Variants in ZSCAN21 observed in about 807,000 individuals in gnomAD.
ZSCAN21 encodes zinc finger and SCAN domain-containing protein 21.
ZSCAN21 carries 26 observed loss-of-function variants against 35.6 expected under a neutral mutation model. That is an observed-to-expected ratio of 0.73 (90% CI 0.54 to 1.01). ZSCAN21 has a LOEUF of 1.01. Among genes scored for constraint, ZSCAN21 ranks in the 50% least tolerant of loss-of-function variants. The pLI, the probability that ZSCAN21 is intolerant of heterozygous loss-of-function variation, is 0.00. For synonymous variants in ZSCAN21, 219 were observed against 219.3 expected (o/e 1.00, Z 0.01); for missense variants, 593 against 587.1 (o/e 1.01, Z -0.10).
chr7:100,064,817 C>T lies in ZSCAN21; in HGVS notation c.*200C>T. ...AAGGTGTCAGGAGGTTCCACACTCG[C>T]CAGTTCACTGGAGCAGAGTCCCTTC... On this transcript the variant is annotated 3_prime_UTR_variant, in exon 4 of 4. Coordinates refer to ENST00000292450, the MANE Select transcript of ZSCAN21 (RefSeq NM_145914.3). The T allele has an allele frequency of 6.2e-7, 1 of 1,614,180 alleles. No homozygotes were observed. Among genetic ancestry groups the T allele is most frequent in the Non-Finnish European group, 8.5e-7 (1 of 1,180,038 alleles).
intron 3 of ZSCAN21, among the ~76,000 whole-genome samples, chr7:100,060,046 C>G (rs1229455195): frequency 1.3e-5 from 2 of 152,124 alleles, no homozygotes; most frequent in African/African-American, 4.8e-5. Flanking sequence ...GCACCTTTGA[C>G]AGAAACAAAA....
At chr7:100,054,529 C>T (rs1792006116) in intron 1 of ZSCAN21, among the ~76,000 whole-genome samples, 1 of 152,000 alleles carries the variant, frequency 6.6e-6, no homozygotes, top group African/African-American at 2.4e-5. Context: ...GGATTACAGG[C>T]GTGAGTCACC....
intron 2 of ZSCAN21, 80 bp from the exon 3 acceptor site, chr7:100,057,618 C>T: frequency 7.1e-7 from 1 of 1,411,624 alleles, no homozygotes; most frequent in Non-Finnish European, 9.6e-7. Context: ...CCTAGAGGTT[C>T]TATGTAGCTC....
Position 100,057,082 on chromosome 7 carries a change from G to A in ZSCAN21, c.76G>A (p.Val26Ile), listed in dbSNP as rs1792098710. The stretch of plus-strand genomic sequence containing the variant: ...ACAGGAGCAGGTGGGGCCTCTGATG[G>A]TAAAAGTCGAGGAGAAAGAAGAGAA... The part of the protein sequence containing the change: ...PPQEQVGPLM[V>I]KVEEKEEKGK... The change falls in exon 2 of 4, where the codon GTA becomes ATA. Residue 26 changes from valine (V) to isoleucine (I), a missense_variant. Physicochemically the swap from Val to Ile is conservative, Grantham distance 29. Transcript: ENST00000292450. 1 of 1,614,106 alleles carries A rather than the reference G, an allele frequency of 6.2e-7. No homozygotes were observed. Among genetic ancestry groups the A allele is most frequent in the Non-Finnish European group, 8.5e-7 (1 of 1,180,016 alleles).
rs749977413 is a variant in ZSCAN21 at position 100,053,304 on chromosome 7, G to T, written c.-97+3463G>T. Among the ~76,000 whole-genome samples, 53 of 151,906 alleles carry T rather than the reference G, an allele frequency of 3.5e-4. 1 individual carries two copies. The highest frequency in any genetic ancestry group is 6.5e-4 in the Non-Finnish European group (44 of 67,976). Reference sequence around the variant, plus strand: ...ATTCACCAAGTTCTCAGAGTGTATCGCACATGAATGTTATGTTACTACATG... The same window carrying T: ...ATTCACCAAGTTCTCAGAGTGTATCTCACATGAATGTTATGTTACTACATG... On this transcript the variant is annotated intron_variant, in intron 1 of 3. Transcript: ENST00000292450.
Position 100,064,318 on chromosome 7 carries a change from C to G in ZSCAN21, c.1123C>G (p.Leu375Val), listed in dbSNP as rs1792516113. 6.2e-7 allele frequency: 1 copy of G among 1,613,706 alleles called. No homozygotes were observed. The highest frequency in any genetic ancestry group is 8.5e-7 in the Non-Finnish European group (1 of 1,179,972). The change falls in exon 4 of 4, where the codon CTC becomes GTC. Residue 375 changes from leucine (L) to valine (V), a missense_variant. Physicochemically the swap from Leu to Val is conservative, Grantham distance 32. Coordinates refer to ENST00000292450, the MANE Select transcript of ZSCAN21 (RefSeq NM_145914.3). ...CAAGGCTTTCAGCGGGAAAGGCAGC[C>G]TCATTCGTCACTATCGGATCCACAC... ...CGKAFSGKGS[L>V]IRHYRIHTGE...
chr7:100,055,219 G>A (rs529615146), intron 1 of ZSCAN21, among the ~76,000 whole-genome samples: 3 of 151,706 alleles, frequency 2.0e-5, no homozygotes, highest in East Asian at 2.0e-4. Flanking sequence ...GCCTCTCAAA[G>A]TGCTGGGATT....
chr7:100,064,187 G>A lies in ZSCAN21; in HGVS notation c.992G>A (p.Arg331Gln), dbSNP rs147945300. 146 of 1,614,026 alleles carry A rather than the reference G, an allele frequency of 9.0e-5. No homozygotes were observed. The highest frequency in any genetic ancestry group is 8.9e-4 in the African/African-American group (67 of 74,974). ...CACTACAGAACACACTTGGTGGACC[G>A]GCCCTATGACTGTAAGTGTGGAAAA... ...TLHYRTHLVDRPYDCKCGKAF... is the reference protein window; with the variant it reads ...TLHYRTHLVDQPYDCKCGKAF... Residue 331 changes from arginine to glutamine, a missense_variant, in exon 4 of 4, where the codon CGG becomes CAG. Physicochemically the swap from Arg to Gln is conservative, Grantham distance 43. Transcript: ENST00000292450.
chr7:100,059,753 A>T (rs745722687), intron 3 of ZSCAN21, among the ~76,000 whole-genome samples: 2 of 151,840 alleles, frequency 1.3e-5, no homozygotes, highest in African/African-American at 4.8e-5. Context: ...CTTGTTGCCC[A>T]GGCTGGAGTG....
intron 1 of ZSCAN21, among the ~76,000 whole-genome samples, chr7:100,054,743 G>A (rs1316131365): frequency 1.3e-5 from 2 of 148,518 alleles, no homozygotes; most frequent in Non-Finnish European, 3.0e-5. Flanking sequence ...GGAGGCTGAG[G>A]CAGGAGAATC....
At position 100,058,149 on chromosome 7, in the gene ZSCAN21, A is replaced by G. The variant is rs147561509; in HGVS notation, c.592+259A>G. 2.4e-3 allele frequency among the ~76,000 whole-genome samples: 370 copies of G among 152,282 alleles called. 3 individuals are homozygous for G. Among genetic ancestry groups the G allele is most frequent in the African/African-American group, 8.5e-3 (354 of 41,554 alleles). ...ACAAATAATTTTTTTTAAAGGGTCA[A>G]TTGAAATGAGTTTAAAAAAGAAACT... On this transcript the variant is annotated intron_variant, in intron 3 of 3. Transcript: ENST00000292450.
Position 100,065,031 on chromosome 7 carries a change from C to A in ZSCAN21, c.*414C>A. The A allele has an allele frequency of 7.7e-7, 1 of 1,306,484 alleles. No homozygotes were observed. Among genetic ancestry groups the A allele is most frequent in the Non-Finnish European group, 1.1e-6 (1 of 943,548 alleles). 80.9% of individuals were successfully genotyped at this position (1,306,484 alleles called of 1,614,324 possible). A position where few individuals can be genotyped will look rare whatever the true frequency, so the allele number is the denominator to read the frequency against. On this transcript the variant is annotated 3_prime_UTR_variant, in exon 4 of 4. Coordinates refer to ENST00000292450, the MANE Select transcript of ZSCAN21 (RefSeq NM_145914.3). ...AATGAGATTCAGAATAAACTTATAA[C>A]ATCTTGTAATGCCTCAGGACTATTA...
In ZSCAN21 at chr7:100,064,154, T is replaced by G; in HGVS notation, c.959T>G (p.Leu320Arg). ...CGKAFSHSSN[L>R]TLHYRTHLVD... is the part of the protein sequence containing the mutation. The stretch of plus-strand genomic sequence containing the variant: ...AAAGCTTTCAGCCACAGCTCAAACC[T>G]CACCCTCCACTACAGAACACACTTG... Residue 320 changes from leucine to arginine, a missense_variant, in exon 4 of 4, where the codon CTC (leucine) becomes CGC (arginine). Physicochemically the swap from Leu to Arg is moderately radical, Grantham distance 102 (BLOSUM62 -2). Coordinates refer to ENST00000292450, the MANE Select transcript of ZSCAN21 (RefSeq NM_145914.3). 1 of 1,614,074 alleles carries G rather than the reference T, an allele frequency of 6.2e-7. No individual in the cohort carries two copies. The highest frequency in any genetic ancestry group is 1.3e-5 in the African/African-American group (1 of 75,006).
rs371474480 is a variant in ZSCAN21 at position 100,057,697 on chromosome 7, G to A, written c.400-1G>A. ...ACCTAGCCATTCCTGATTGTCTCTAGGTCTCAACTCCTCCAAACGAACAGA... is the reference window on the plus strand; with the variant it reads ...ACCTAGCCATTCCTGATTGTCTCTAAGTCTCAACTCCTCCAAACGAACAGA... On this transcript the variant is annotated splice_acceptor_variant, in intron 2 of 3. Transcript: ENST00000292450. LOFTEE classifies it high-confidence loss of function. 9.3e-6 allele frequency: 15 copies of A among 1,607,062 alleles called. No individual in the cohort carries two copies. The African/African-American group carries it at 2.0e-4, about 22-fold the overall frequency.
chr7:100,062,762 C>T (rs111319211), intron 3 of ZSCAN21, among the ~76,000 whole-genome samples: 60 of 152,110 alleles, frequency 3.9e-4, no homozygotes, highest in Non-Finnish European at 7.8e-4. Context: ...CTAGTCCCAG[C>T]TCTTCGGGAG....
intron 1 of ZSCAN21, among the ~76,000 whole-genome samples, chr7:100,051,282 CTTTTTTTTTTTTT>C (rs1164734568): frequency 1.4e-4 from 5 of 34,948 alleles, no homozygotes; most frequent in Non-Finnish European, 2.1e-4. Flanking sequence ...TAGGGATTTT[CTTTTTTTTTTTTT>C]TTTTTTTTTT....
rs1219789538 is a variant in ZSCAN21 at position 100,057,378 on chromosome 7, G to T, written c.372G>T (p.Glu124Asp). 6 of 1,566,222 alleles carry T rather than the reference G, an allele frequency of 3.8e-6. No homozygotes were observed. The South Asian group carries it at 6.0e-5, about 16-fold the overall frequency. ...EEAVTLLEDL[E>D]RELDEPGHQV... is the part of the protein sequence containing the mutation. ...CTGTCACTCTCCTCGAAGATCTGGA[G>T]CGGGAACTGGATGAGCCAGGACACC... The change falls in exon 2 of 4, where the codon GAG becomes GAT. Residue 124 changes from glutamate to aspartate, a missense_variant. By Grantham distance (45) the Glu-to-Asp change is conservative. Transcript: ENST00000292450.
Position 100,056,909 on chromosome 7 carries a change from A to G in ZSCAN21, c.-96-2A>G. Reference sequence around the variant, plus strand: ...TATTTTTTGGTAACTATATTTTCTTAGGTTTAACTTGTGGCCCTAAAGAAC... The same window carrying G: ...TATTTTTTGGTAACTATATTTTCTTGGGTTTAACTTGTGGCCCTAAAGAAC... On this transcript the variant is annotated splice_acceptor_variant, in intron 1 of 3. Coordinates refer to ENST00000292450, the MANE Select transcript of ZSCAN21 (RefSeq NM_145914.3). LOFTEE classifies it low-confidence loss of function (5UTR_SPLICE). The G allele has an allele frequency of 1.6e-6, 2 of 1,252,610 alleles. No homozygotes were observed. The highest frequency in any genetic ancestry group is 2.4e-5 in the East Asian group (1 of 41,208). The allele number at this position is 1,252,610 out of a possible 1,614,324, so 77.6% of individuals were successfully genotyped here. A position where few individuals can be genotyped will look rare whatever the true frequency, so the allele number is the denominator to read the frequency against.
rs149041845 is a variant in ZSCAN21, at chr7:100,064,354, C to A, written c.1159C>A (p.Pro387Thr). Residue 387 changes from proline to threonine, a missense_variant, in exon 4 of 4, where the codon CCT (proline) becomes ACT (threonine). By Grantham distance (38) the Pro-to-Thr change is conservative. Transcript: ENST00000292450. ...CTATCGGATCCACACTGGGGAGAAG[C>A]CTTATCAGTGTAACGAATGTGGGAA... ...RHYRIHTGEK[P>T]YQCNECGKSF... 3.1e-6 allele frequency: 5 copies of A among 1,614,104 alleles called. No individual in the cohort carries two copies. The highest frequency in any genetic ancestry group is 4.2e-6 in the Non-Finnish European group (5 of 1,180,032).
Sources: gnomAD v4.1 joint callset for allele counts (sites outside exome capture counted in the v4.1 genomes callset) on GRCh38, gnomAD v4.1.1 for gene constraint, MANE v1.5 for transcripts, NCBI Gene and HGNC (gene_info 2026-07-23, HGNC 2026-07-21) for gene names.